The following PROM1 variants were observed in gnomAD, a reference collection of about 807,000 sequenced individuals.
The protein encoded by PROM1 is prominin 1.
PROM1 carries 105 observed loss-of-function variants against 116.9 expected under a neutral mutation model. That is an observed-to-expected ratio of 0.90 (90% CI 0.77 to 1.06). The LOEUF is 1.06. Among genes scored for constraint, PROM1 ranks in the 50% least tolerant of loss-of-function variants. The probability of loss-of-function intolerance (pLI) is 0.00; values close to 1 mark genes in which losing one functional copy is unlikely to be tolerated. For missense variants in PROM1, 1,122 were observed against 1,045.2 expected, an observed-to-expected ratio of 1.07 and a Z score of -1.01; for synonymous variants, 393 against 387.0, an observed-to-expected ratio of 1.02 and a Z score of -0.18.
chr4:16,004,832 T>TCTTCCTTCCTTC lies in PROM1; in HGVS notation c.1454+1694_1454+1705dup, dbSNP rs561919636. ...CTTTCTTTCTTTCTTTCTTTCTTTT[T>TCTTCCTTCCTTC]CTTCCTTCCTTCCTTCCTTCCTTCC... On this transcript the variant is annotated intron_variant, in intron 13 of 27. Transcript: ENST00000447510. 6.4e-4 allele frequency among the ~76,000 whole-genome samples: 78 copies of TCTTCCTTCCTTC among 122,608 alleles called. 1 individual carries two copies. The highest frequency in any genetic ancestry group is 2.3e-3 in the African/African-American group (77 of 33,414). 80.4% of individuals were successfully genotyped at this position (122,608 alleles called of 152,430 possible). A position where few individuals can be genotyped will look rare whatever the true frequency, so the allele number is the denominator to read the frequency against.
intron 2 of PROM1, among the ~76,000 whole-genome samples, chr4:16,040,078 T>C (rs570469512): frequency 6.6e-6 from 1 of 152,250 alleles, no homozygotes; most frequent in South Asian, 2.1e-4. Flanking sequence ...GTGCTATCAC[T>C]ATATCCATCA....
chr4:15,968,561 T>G lies in PROM1; in HGVS notation c.*832A>C, dbSNP rs1006771565. ...CTGATGATACTCATGTTAGCTGCAC[T>G]CCAATTAATGTTTATCGTAATGCAA... On this transcript the variant is annotated 3_prime_UTR_variant, in exon 28 of 28. Transcript: ENST00000447510. The G allele has an allele frequency of 6.6e-6, 1 of 152,230 alleles. No individual in the cohort carries two copies. Among genetic ancestry groups the G allele is most frequent in the Non-Finnish European group, 1.5e-5 (1 of 68,032 alleles). 9.4% of individuals were successfully genotyped at this position (152,230 alleles called of 1,614,324 possible). A position where few individuals can be genotyped will look rare whatever the true frequency, so the allele number is the denominator to read the frequency against.
At chr4:16,041,723 G>C (rs973964368) in intron 2 of PROM1, among the ~76,000 whole-genome samples, 5 of 150,568 alleles carry the variant, frequency 3.3e-5, no homozygotes, top group Admixed American at 6.7e-5. Flanking sequence ...ACTCCAGCTC[G>C]GGTGACAGAT....
At chr4:16,027,988 C>T (rs1329684449) in intron 5 of PROM1, among the ~76,000 whole-genome samples, 2 of 152,082 alleles carry the variant, frequency 1.3e-5, no homozygotes, top group East Asian at 3.9e-4. Flanking sequence ...GATAATAGAT[C>T]TAATTAAAAT....
At chr4:16,040,247 G>A (rs1018211262) in intron 2 of PROM1, among the ~76,000 whole-genome samples, 3 of 150,334 alleles carry the variant, frequency 2.0e-5, no homozygotes, top group Non-Finnish European at 4.4e-5. Context: ...AGAGATATGG[G>A]CTGATGTTTA....
chr4:16,062,065 T>C (rs1740467397), intron 2 of PROM1, among the ~76,000 whole-genome samples: 1 of 151,976 alleles, frequency 6.6e-6, no homozygotes, highest in Admixed American at 6.6e-5. Flanking sequence ...CTAATTTTTT[T>C]GTATTTTTAG....
At chr4:16,074,294 T>A (rs1203998213) in intron 2 of PROM1, among the ~76,000 whole-genome samples, 1 of 152,196 alleles carries the variant, frequency 6.6e-6, no homozygotes, top group Non-Finnish European at 1.5e-5. Context: ...TTATTACACA[T>A]TGCATGTCTG....
intron 18 of PROM1, among the ~76,000 whole-genome samples, chr4:15,990,750 A>G (rs1305962288): frequency 1.3e-5 from 2 of 152,234 alleles, no homozygotes; most frequent in Non-Finnish European, 2.9e-5. Context: ...ACCATAAGGC[A>G]TGCCCGCCAG....
At chr4:16,047,824 C>G (rs1736891386) in intron 2 of PROM1, among the ~76,000 whole-genome samples, 1 of 152,084 alleles carries the variant, frequency 6.6e-6, no homozygotes, top group East Asian at 1.9e-4. Flanking sequence ...ACAACCTGAG[C>G]CCCCTACCAA....
chr4:16,041,046 G>A (rs113753487), intron 2 of PROM1, among the ~76,000 whole-genome samples: 138 of 152,352 alleles, frequency 9.1e-4, no homozygotes, highest in African/African-American at 3.2e-3. Context: ...GAACCAGCGG[G>A]TCTCCAAGCA....
intron 13 of PROM1, among the ~76,000 whole-genome samples, chr4:16,006,187 T>A (rs955462250): frequency 6.6e-6 from 1 of 152,178 alleles, no homozygotes; most frequent in African/African-American, 2.4e-5. Context: ...AATAAATGAA[T>A]GAATGAATGA....
At chr4:16,049,352 G>A (rs1400725973) in intron 2 of PROM1, among the ~76,000 whole-genome samples, 2 of 152,206 alleles carry the variant, frequency 1.3e-5, no homozygotes, top group Non-Finnish European at 2.9e-5. Context: ...AGGCTCAGCT[G>A]TCAACAATGG....
At chr4:15,980,329 C>T in intron 24 of PROM1, 93 bp downstream of exon 24, 1 of 700,622 alleles carries the variant, frequency 1.4e-6, no homozygotes. Context: ...AAGAAATCAA[C>T]TTTAACCTCA....
intron 2 of PROM1, among the ~76,000 whole-genome samples, chr4:16,071,536 G>C (rs1037155575): frequency 6.6e-6 from 1 of 152,138 alleles, no homozygotes; most frequent in Admixed American, 6.5e-5. Flanking sequence ...TTTAAATTAG[G>C]TCATAAGGGT....
intron 26 of PROM1, among the ~76,000 whole-genome samples, chr4:15,979,038 A>AGAAG (rs1203615999): frequency 3.9e-5 from 6 of 151,952 alleles, no homozygotes; most frequent in African/African-American, 9.7e-5. Context: ...AAGGAAAGAA[A>AGAAG]GAAGGAAGGA....
intron 14 of PROM1, among the ~76,000 whole-genome samples, chr4:15,998,722 CT>C (rs539347899): frequency 2.1e-4 from 31 of 147,096 alleles, no homozygotes; most frequent in Admixed American, 2.0e-4. Flanking sequence ...TTTTTGAGAA[CT>C]TTTTTTTTTT....
chr4:15,989,686 ATT>A, intron 19 of PROM1, 44 bp downstream of exon 19: 1 of 1,458,694 alleles, frequency 6.9e-7, no homozygotes, highest in South Asian at 1.2e-5. Context: ...GCTGCAGTAG[ATT>A]TTGCTCAGGT....
intron 5 of PROM1, among the ~76,000 whole-genome samples, chr4:16,030,678 G>A (rs989371347): frequency 2.6e-5 from 4 of 152,128 alleles, no homozygotes; most frequent in Non-Finnish European, 5.9e-5. Context: ...AACTCAATCA[G>A]CTGAGAGTGA....
At chr4:16,061,681 A>G (rs1407712157) in intron 2 of PROM1, among the ~76,000 whole-genome samples, 3 of 152,152 alleles carry the variant, frequency 2.0e-5, no homozygotes, top group South Asian at 4.1e-4. Flanking sequence ...CTGTTGTAAC[A>G]AAGTACCACA....
Sources: gnomAD v4.1 joint callset for allele counts (sites outside exome capture counted in the v4.1 genomes callset) on GRCh38, gnomAD v4.1.1 for gene constraint, MANE v1.5 for transcripts, NCBI Gene and HGNC (gene_info 2026-07-23, HGNC 2026-07-21) for gene names.